AXIN1: variants seen among roughly 807,000 people sequenced by gnomAD.
The protein encoded by AXIN1 is axin 1, also known as axin-1.
Under a neutral mutation model 76.4 loss-of-function variants are expected in AXIN1, and 30 were observed. The ratio of observed to expected loss-of-function variants is 0.39; its 90% confidence interval spans 0.29 to 0.53. The LOEUF is 0.53. Among genes scored for constraint, AXIN1 ranks in the 20% least tolerant of loss-of-function variants. The pLI, the probability that AXIN1 is intolerant of heterozygous loss-of-function variation, is 0.66. For missense variants in AXIN1, 1,140 were observed against 1,198.8 expected, an observed-to-expected ratio of 0.95 and a Z score of 0.72; for synonymous variants, 545 against 501.4, an observed-to-expected ratio of 1.09 and a Z score of -1.16.
intron 1 of AXIN1, among the ~76,000 whole-genome samples, chr16:351,968 G>C (rs980563186): frequency 2.0e-5 from 3 of 152,184 alleles, no homozygotes; most frequent in African/African-American, 7.2e-5. Flanking sequence ...CAACCTGGAG[G>C]GTACGGACGC....
intron 1 of AXIN1, among the ~76,000 whole-genome samples, chr16:349,073 G>C (rs1014018322): frequency 6.6e-6 from 1 of 152,016 alleles, no homozygotes; most frequent in Non-Finnish European, 1.5e-5. Flanking sequence ...CTGCACTCCA[G>C]CTTGGGCGAC....
intron 2 of AXIN1, among the ~76,000 whole-genome samples, chr16:344,961 G>C (rs563340269): frequency 6.6e-6 from 1 of 152,216 alleles, no homozygotes; most frequent in African/African-American, 2.4e-5. Flanking sequence ...TGCTTTCGGA[G>C]TCTTGATTAG....
In AXIN1 at chr16:293,115, C is replaced by T. The variant is rs1169124130; in HGVS notation, c.2186+373G>A. The T allele has an allele frequency of 9.0e-6, 3 of 335,154 alleles. No individual in the cohort carries two copies. Among genetic ancestry groups the T allele is most frequent in the Admixed American group, 4.3e-5 (1 of 23,140 alleles). The allele number at this position is 335,154 out of a possible 1,614,324, so 20.8% of individuals were successfully genotyped here. On this transcript the variant is annotated intron_variant, in intron 8 of 10. Coordinates refer to ENST00000262320, the MANE Select transcript of AXIN1 (RefSeq NM_003502.4). The surrounding 1 kb of genome is among the most constrained non-coding windows in gnomAD (Gnocchi z 4.6). Reference sequence around the variant, plus strand: ...TGTCAAGAGGCAGCCGCCATGCCTCCAGGACCTCTGCCCTAAAGCCCAGGC... The same window carrying T: ...TGTCAAGAGGCAGCCGCCATGCCTCTAGGACCTCTGCCCTAAAGCCCAGGC...
At chr16:349,847 G>A (rs2054107373) in intron 1 of AXIN1, among the ~76,000 whole-genome samples, 1 of 152,166 alleles carries the variant, frequency 6.6e-6, no homozygotes, top group Non-Finnish European at 1.5e-5. Context: ...CGCCTAGGCT[G>A]GACTGCAGTG....
Position 288,119 on chromosome 16 carries a change from CTA to C in AXIN1, c.*1_*2del. On this transcript the variant is annotated 3_prime_UTR_variant, in exon 11 of 11. Transcript: ENST00000262320. ...CTGGCACAGCGGCCAGCCCACCAGC[CTA>C]TCAGTCCACCTTCTCCACTTTGCCG... 6.2e-7 allele frequency: 1 copy of C among 1,613,366 alleles called. No homozygotes were observed. The highest frequency in any genetic ancestry group is 1.6e-4 in the Middle Eastern group (1 of 6,062).
At chr16:299,851 T>G (rs972941806) in intron 5 of AXIN1, among the ~76,000 whole-genome samples, 1 of 148,972 alleles carries the variant, frequency 6.7e-6, no homozygotes, top group East Asian at 2.0e-4. Context: ...GAGATGGAGT[T>G]TCACCGTGTT....
At chr16:339,367 C>A (rs1471642335) in intron 2 of AXIN1, among the ~76,000 whole-genome samples, 1 of 150,816 alleles carries the variant, frequency 6.6e-6, no homozygotes, top group African/African-American at 2.4e-5. Context: ...AAAAATTAGC[C>A]GGGCGTGGTG....
At chr16:321,476 T>C (rs1670410649) in intron 2 of AXIN1, among the ~76,000 whole-genome samples, 2 of 152,234 alleles carry the variant, frequency 1.3e-5, no homozygotes, top group South Asian at 4.1e-4. Flanking sequence ...CGTAAAATAA[T>C]TATAGCCATT....
chr16:301,493 A>C (rs2052871715), intron 5 of AXIN1, among the ~76,000 whole-genome samples: 1 of 152,020 alleles, frequency 6.6e-6, no homozygotes, highest in East Asian at 1.9e-4. Context: ...GCCTGCCTTT[A>C]ACATGTCTTG....
intron 4 of AXIN1, among the ~76,000 whole-genome samples, chr16:309,630 G>C (rs186202320): frequency 9.8e-4 from 149 of 152,332 alleles, no homozygotes; most frequent in African/African-American, 3.4e-3. Context: ...CCAGGCCTGG[G>C]CTCTGAGTCT....
intron 2 of AXIN1, among the ~76,000 whole-genome samples, chr16:337,374 C>T (rs1205805545): frequency 6.6e-6 from 1 of 151,618 alleles, no homozygotes; most frequent in Non-Finnish European, 1.5e-5. Context: ...GCATTCAAGT[C>T]ATCCTATTTG....
rs192211616 is a variant in AXIN1, at chr16:338,207, G to A, written c.878+7941C>T. Among the ~76,000 whole-genome samples the A allele has an allele frequency of 3.7e-3, 557 of 152,340 alleles. 3 individuals are homozygous for A. The highest frequency in any genetic ancestry group is 0.013 in the South Asian group (65 of 4,822). On this transcript the variant is annotated intron_variant, in intron 2 of 10. Transcript: ENST00000262320. ...GGATGAGCAGAACCGGAGCGTGTGCGTCAATTCAAATCTGTGACACTGGCG... is the reference window on the plus strand; with the variant it reads ...GGATGAGCAGAACCGGAGCGTGTGCATCAATTCAAATCTGTGACACTGGCG...
intron 2 of AXIN1, among the ~76,000 whole-genome samples, chr16:332,381 T>A (rs1003700229): frequency 1.3e-5 from 2 of 151,442 alleles, no homozygotes; most frequent in African/African-American, 2.4e-5. Context: ...ATGGAGACCA[T>A]CCTGGCTAAC....
intron 2 of AXIN1, among the ~76,000 whole-genome samples, chr16:331,085 A>T (rs1400710890): frequency 6.6e-6 from 1 of 152,220 alleles, no homozygotes; most frequent in East Asian, 1.9e-4. Context: ...GCCGGCTTAC[A>T]GTCATGGTCC....
intron 2 of AXIN1, among the ~76,000 whole-genome samples, chr16:341,854 A>C (rs1449058796): frequency 6.6e-6 from 1 of 152,086 alleles, no homozygotes; most frequent in Non-Finnish European, 1.5e-5. Flanking sequence ...ACCAATCGAC[A>C]CTCTGTATCT....
intron 1 of AXIN1, among the ~76,000 whole-genome samples, chr16:349,884 A>G (rs1039855238): frequency 1.3e-5 from 2 of 152,154 alleles, no homozygotes; most frequent in Non-Finnish European, 2.9e-5. Flanking sequence ...CTGCAGCCTC[A>G]GCTTCCCAGG....
Position 287,491 on chromosome 16 carries a change from A to ATAAT in AXIN1, c.*627_*630dup, listed in dbSNP as rs3833913. On this transcript the variant is annotated 3_prime_UTR_variant, in exon 11 of 11. Transcript: ENST00000262320. ...TTATTATCCAAGTACCTTTGAAAAG[A>ATAAT]TAATTAATTGTACAAGTGTCATCGC... is the stretch of plus-strand genomic sequence containing the variant. 3 of 362,832 alleles carry ATAAT rather than the reference A, an allele frequency of 8.3e-6. No homozygotes were observed. The highest frequency in any genetic ancestry group is 4.4e-5 in the East Asian group (1 of 22,504). 22.5% of individuals were successfully genotyped at this position (362,832 alleles called of 1,614,324 possible). A position where few individuals can be genotyped will look rare whatever the true frequency, so the allele number is the denominator to read the frequency against.
At chr16:348,307 G>A (rs1425978981) in intron 1 of AXIN1, among the ~76,000 whole-genome samples, 1 of 152,170 alleles carries the variant, frequency 6.6e-6, no homozygotes. Flanking sequence ...AAGCATGTTG[G>A]GTTCAAAAGC....
intron 4 of AXIN1, among the ~76,000 whole-genome samples, chr16:307,424 C>G (rs11864322): frequency 0.025 from 3,731 of 152,278 alleles, 174 homozygotes; most frequent in African/African-American, 0.085. Flanking sequence ...CGTGAAACTT[C>G]CAAGTAATTG....
Sources: allele counts gnomAD v4.1 joint callset (sites outside exome capture counted in the v4.1 genomes callset), GRCh38; gene constraint gnomAD v4.1.1; non-coding constraint Gnocchi (gnomAD v3.1); transcripts MANE v1.5; gene names NCBI Gene and HGNC (gene_info 2026-07-23, HGNC 2026-07-21).